Variants in MAP2K6 observed in about 807,000 individuals in gnomAD.
The protein encoded by MAP2K6 is dual specificity mitogen-activated protein kinase kinase 6.
A neutral mutation model predicts 53.7 loss-of-function variants in MAP2K6; 16 were observed. The ratio of observed to expected loss-of-function variants is 0.30; its 90% confidence interval spans 0.20 to 0.45. MAP2K6 has a LOEUF of 0.45. MAP2K6 is among the 20% of genes least tolerant of loss of function. MAP2K6 has a pLI of 1.00. For synonymous variants in MAP2K6, 132 were observed against 143.1 expected (o/e 0.92, Z 0.55); for missense variants, 204 against 411.9 (o/e 0.50, Z 4.37).
At chr17:69,540,196 A>G (rs895016365) in intron 11 of MAP2K6, among the ~76,000 whole-genome samples, 8 of 152,212 alleles carry the variant, frequency 5.3e-5, no homozygotes, top group Admixed American at 2.0e-4. Flanking sequence ...TCAGGTTTAA[A>G]ACAAATATAA....
chr17:69,423,246 G>GA (rs996341262), intron 1 of MAP2K6, among the ~76,000 whole-genome samples: 14 of 151,658 alleles, frequency 9.2e-5, no homozygotes, highest in South Asian at 4.2e-4. Context: ...TTAAATGATT[G>GA]AAAAAAAATC....
At position 69,541,218 on chromosome 17, in the gene MAP2K6, G is replaced by A. The variant is rs139944485; in HGVS notation, c.928-458G>A. On this transcript the variant is annotated intron_variant, in intron 11 of 11. Coordinates refer to ENST00000590474, the MANE Select transcript of MAP2K6 (RefSeq NM_002758.4). ...GCAGAGTTTGCAGTGAGCCAAGATC[G>A]CACCACTGCACTCCAGCCTGGGCAA... 3.4e-3 allele frequency among the ~76,000 whole-genome samples: 510 copies of A among 152,188 alleles called. 2 individuals carry two copies. Among genetic ancestry groups the A allele is most frequent in the African/African-American group, 0.011 (477 of 41,534 alleles).
chr17:69,516,956 C>T, intron 3 of MAP2K6, 53 bp downstream of exon 3: 1 of 1,352,162 alleles, frequency 7.4e-7, no homozygotes, highest in Non-Finnish European at 1.0e-6. Context: ...TATATGTATG[C>T]TTTCTGACTG....
At chr17:69,420,263 G>A (rs1041573047) in intron 1 of MAP2K6, among the ~76,000 whole-genome samples, 2 of 152,000 alleles carry the variant, frequency 1.3e-5, no homozygotes, top group African/African-American at 4.8e-5. Context: ...TTTTCTTTAG[G>A]TTTATAAATA....
intron 7 of MAP2K6, 104 bp downstream of exon 7, chr17:69,521,204 A>G (rs1910448671): frequency 3.1e-6 from 3 of 976,270 alleles, no homozygotes; most frequent in Non-Finnish European, 4.7e-6. Context: ...AGTAGAATTG[A>G]CTCAGGCAAG....
At chr17:69,475,164 GT>G (rs775528883) in intron 1 of MAP2K6, among the ~76,000 whole-genome samples, 7,698 of 111,574 alleles carry the variant, frequency 0.069, 64 homozygotes, top group Middle Eastern at 0.12. Context: ...TGAAATCTGT[GT>G]TTTTTTTTTT....
chr17:69,549,117 G>A lies in MAP2K6; in HGVS notation c.*7364G>A, dbSNP rs371307345. On this transcript the variant is annotated 3_prime_UTR_variant, in exon 12 of 12. Coordinates refer to ENST00000590474, the MANE Select transcript of MAP2K6 (RefSeq NM_002758.4). ...GTATTATCATTTGAACTTGGACATT[G>A]AGCCCTTTATTTTTGGGAGTTTACA... 17 of 152,254 alleles carry A rather than the reference G, an allele frequency of 1.1e-4. No individual in the cohort carries two copies. The highest frequency in any genetic ancestry group is 4.1e-4 in the African/African-American group (17 of 41,570). 9.4% of individuals were successfully genotyped at this position (152,254 alleles called of 1,614,324 possible).
At chr17:69,427,249 T>A (rs1229995316) in intron 1 of MAP2K6, among the ~76,000 whole-genome samples, 3 of 152,222 alleles carry the variant, frequency 2.0e-5, no homozygotes, top group Non-Finnish European at 4.4e-5. Flanking sequence ...AATGTACTTT[T>A]GAATTCTCAT....
chr17:69,502,314 C>G, intron 1 of MAP2K6: 1 of 985,498 alleles, frequency 1.0e-6, no homozygotes, highest in Non-Finnish European at 1.2e-6. Context: ...TGAAGAATGA[C>G]TTCTGTTAGG....
intron 1 of MAP2K6, among the ~76,000 whole-genome samples, chr17:69,460,037 C>T (rs1907568263): frequency 6.9e-6 from 1 of 144,808 alleles, no homozygotes; most frequent in African/African-American, 2.5e-5. Context: ...CTCCCTTCCT[C>T]CCTTCATCTT....
At chr17:69,452,888 C>T (rs1471424949) in intron 1 of MAP2K6, among the ~76,000 whole-genome samples, 2 of 152,158 alleles carry the variant, frequency 1.3e-5, no homozygotes, top group Non-Finnish European at 2.9e-5. Context: ...TCTTTGTTTG[C>T]GTCTTAACAT....
chr17:69,427,875 G>T (rs1380040585), intron 1 of MAP2K6, among the ~76,000 whole-genome samples: 2 of 152,208 alleles, frequency 1.3e-5, no homozygotes, highest in African/African-American at 4.8e-5. Context: ...ATTGGTTTAA[G>T]AATGGGATTG....
At position 69,548,089 on chromosome 17, in the gene MAP2K6, C is replaced by T. The variant is rs557557271; in HGVS notation, c.*6336C>T. ...GTAGTTTGAAGTCACAAAATTTGTTCTCAGGTGTTCTTAAAGCTCCCTGTT... is the reference window on the plus strand; with the variant it reads ...GTAGTTTGAAGTCACAAAATTTGTTTTCAGGTGTTCTTAAAGCTCCCTGTT... On this transcript the variant is annotated 3_prime_UTR_variant, in exon 12 of 12. Coordinates refer to ENST00000590474, the MANE Select transcript of MAP2K6 (RefSeq NM_002758.4). 1 of 152,296 alleles carries T rather than the reference C, an allele frequency of 6.6e-6. No individual in the cohort carries two copies. Among genetic ancestry groups the T allele is most frequent in the African/African-American group, 2.4e-5 (1 of 41,574 alleles). 9.4% of individuals were successfully genotyped at this position (152,296 alleles called of 1,614,324 possible).
chr17:69,470,805 C>A (rs1907960582), intron 1 of MAP2K6, among the ~76,000 whole-genome samples: 2 of 152,192 alleles, frequency 1.3e-5, no homozygotes, highest in Admixed American at 6.5e-5. Flanking sequence ...CTGGACACAC[C>A]ACACCTCTTT....
chr17:69,441,698 C>CG (rs1704103341), intron 1 of MAP2K6, among the ~76,000 whole-genome samples: 1 of 152,062 alleles, frequency 6.6e-6, no homozygotes, highest in Non-Finnish European at 1.5e-5. Flanking sequence ...TTGTGATATC[C>CG]GATTCTTACT....
intron 10 of MAP2K6, among the ~76,000 whole-genome samples, chr17:69,528,334 G>A (rs559717959): frequency 6.6e-6 from 1 of 152,108 alleles, no homozygotes; most frequent in South Asian, 2.1e-4. Flanking sequence ...CTGGAGCCTC[G>A]AGCACTAGTG....
chr17:69,520,410 G>T lies in MAP2K6; in HGVS notation c.483+24G>T, dbSNP rs966459848. 3.6e-6 allele frequency: 5 copies of T among 1,373,670 alleles called. No homozygotes were observed. In the African/African-American group the frequency reaches 7.2e-5, roughly 20 times the overall value. The allele number at this position is 1,373,670 out of a possible 1,614,324, so 85.1% of individuals were successfully genotyped here. The stretch of plus-strand genomic sequence containing the variant: ...CTGTGAGTACATTTTGATCCCTACT[G>T]CAAGGATAATGTGAGAAATAAAGTC... On this transcript the variant is annotated intron_variant, in intron 6 of 11. Transcript: ENST00000590474.
intron 10 of MAP2K6, among the ~76,000 whole-genome samples, 191 bp downstream of exon 10, chr17:69,526,900 G>C (rs1021942021): frequency 6.6e-6 from 1 of 152,200 alleles, no homozygotes; most frequent in East Asian, 1.9e-4. Flanking sequence ...AAGTCAAGTA[G>C]AGAAGTCTCA....
At chr17:69,538,893 T>G (rs1911483399) in intron 11 of MAP2K6, among the ~76,000 whole-genome samples, 1 of 152,172 alleles carries the variant, frequency 6.6e-6, no homozygotes, top group African/African-American at 2.4e-5. Flanking sequence ...AATGGCTTAA[T>G]TCAGTGTTGC....
Sources: allele counts gnomAD v4.1 joint callset (sites outside exome capture counted in the v4.1 genomes callset), GRCh38; gene constraint gnomAD v4.1.1; transcripts MANE v1.5; gene names NCBI Gene and HGNC (gene_info 2026-07-23, HGNC 2026-07-21).